The following PRIM2 variants were observed in gnomAD, a reference collection of about 807,000 sequenced individuals.
PRIM2 encodes DNA primase subunit 2.
PRIM2 carries 39 observed loss-of-function variants against 67.3 expected under a neutral mutation model. The observed-to-expected ratio is 0.58, with a 90% CI of 0.45 to 0.76. The LOEUF is 0.76. PRIM2 is among the 30% of genes least tolerant of loss of function. The probability of loss-of-function intolerance (pLI) is 0.00; values close to 1 mark genes in which losing one functional copy is unlikely to be tolerated. For synonymous variants in PRIM2, 143 were observed against 198.7 expected, an observed-to-expected ratio of 0.72 and a Z score of 2.36; for missense variants, 398 against 598.7, an observed-to-expected ratio of 0.66 and a Z score of 3.50.
the PRIM2 span, among the ~76,000 whole-genome samples, chr6:57,253,208 A>G: frequency 6.6e-6 from 1 of 151,934 alleles, no homozygotes; most frequent in African/African-American, 2.4e-5. Flanking sequence ...AAAAAAATAA[A>G]CAGTAGTTAG....
rs1267075203 is a variant in PRIM2 at position 57,488,054 on chromosome 6, G to A, written c.694-19333G>A. Among the ~76,000 whole-genome samples, 97 of 152,256 alleles carry A rather than the reference G, an allele frequency of 6.4e-4. 1 individual carries two copies. The highest frequency in any genetic ancestry group is 2.2e-3 in the African/African-American group (90 of 41,540). On this transcript the variant is annotated intron_variant, in intron 7 of 13. Coordinates refer to ENST00000615550, the MANE Select transcript of PRIM2 (RefSeq NM_000947.5). ...TTGAGGCACTAAGGAATGAATTAAA[G>A]GTCATATAGCTAGTAAGGGCTAGCA...
At chr6:57,304,065 C>T in the PRIM2 span, among the ~76,000 whole-genome samples, 9 of 152,256 alleles carry the variant, frequency 5.9e-5, no homozygotes, top group South Asian at 1.7e-3. Flanking sequence ...CTTACCAGTA[C>T]ATTTTAAGGC....
chr6:57,469,052 G>T (rs1269567850), intron 7 of PRIM2, among the ~76,000 whole-genome samples: 3 of 152,222 alleles, frequency 2.0e-5, no homozygotes, highest in African/African-American at 7.2e-5. Context: ...AGCTTCTCAT[G>T]TTAGGATGTA....
At chr6:57,623,473 C>T (rs1268931118) in intron 12 of PRIM2, among the ~76,000 whole-genome samples, 1 of 151,900 alleles carries the variant, frequency 6.6e-6, no homozygotes, top group Non-Finnish European at 1.5e-5. Flanking sequence ...AAATTTAATA[C>T]TCTGTTTATA....
chr6:57,342,802 G>T (rs931465951), intron 5 of PRIM2, among the ~76,000 whole-genome samples: 10 of 152,136 alleles, frequency 6.6e-5, no homozygotes, highest in African/African-American at 2.4e-4. Flanking sequence ...AGTGAAGTTG[G>T]TAACCTCGTT....
At chr6:57,327,527 A>G (rs1257850533) in intron 5 of PRIM2, among the ~76,000 whole-genome samples, 1 of 152,194 alleles carries the variant, frequency 6.6e-6, no homozygotes, top group Non-Finnish European at 1.5e-5. Context: ...GGCAGTTTCT[A>G]TAGTTTCTTT....
At chr6:57,294,339 G>T in the PRIM2 span, among the ~76,000 whole-genome samples, 1 of 151,776 alleles carries the variant, frequency 6.6e-6, no homozygotes, top group African/African-American at 2.4e-5. Flanking sequence ...AAATTAGCCG[G>T]GTGTGATGGT....
chr6:57,443,156 G>A (rs1772255857), intron 7 of PRIM2, among the ~76,000 whole-genome samples: 1 of 152,130 alleles, frequency 6.6e-6, no homozygotes, highest in African/African-American at 2.4e-5. Flanking sequence ...CCTGTTGATA[G>A]ATACTTAGGT....
At chr6:57,331,179 C>T (rs1295426811) in intron 5 of PRIM2, among the ~76,000 whole-genome samples, 2 of 144,224 alleles carry the variant, frequency 1.4e-5, no homozygotes, top group Non-Finnish European at 1.5e-5. Flanking sequence ...AAGAGTGAGA[C>T]TTTGTCTCAG....
upstream of PRIM2, among the ~76,000 whole-genome samples, chr6:57,311,894 G>T (rs535562978): frequency 1.3e-5 from 2 of 152,050 alleles, no homozygotes; most frequent in South Asian, 2.1e-4. Flanking sequence ...AGGAGTGGCG[G>T]CGCGTGCCTG....
At chr6:57,318,360 T>C (rs1307996963) in intron 1 of PRIM2, 77 bp from the exon 2 acceptor site, 30 of 1,378,456 alleles carry the variant, frequency 2.2e-5, no homozygotes, top group Non-Finnish European at 2.8e-5. Context: ...TGTGGAATTA[T>C]TTTTTCGTGT....
chr6:57,436,400 TGA>T (rs1173517541), intron 7 of PRIM2, among the ~76,000 whole-genome samples: 2 of 152,208 alleles, frequency 1.3e-5, no homozygotes, highest in South Asian at 4.1e-4. Flanking sequence ...CCATCAATCA[TGA>T]GAGAGAGAAA....
intron 7 of PRIM2, among the ~76,000 whole-genome samples, chr6:57,448,584 A>T (rs1772435497): frequency 6.6e-6 from 1 of 152,020 alleles, no homozygotes; most frequent in Admixed American, 6.6e-5. Context: ...AAATTGATAC[A>T]TGGAGGTTAT....
At chr6:57,540,383 G>T (rs1775121773) in intron 10 of PRIM2, among the ~76,000 whole-genome samples, 2 of 152,126 alleles carry the variant, frequency 1.3e-5, no homozygotes, top group Non-Finnish European at 2.9e-5. Flanking sequence ...AGCCAATGTT[G>T]TAGTTCTAGT....
At chr6:57,373,895 G>A (rs984394116) in intron 5 of PRIM2, among the ~76,000 whole-genome samples, 2 of 152,016 alleles carry the variant, frequency 1.3e-5, no homozygotes, top group African/African-American at 4.8e-5. Context: ...CACCAGCTTT[G>A]TTCTTTTTGC....
chr6:57,252,855 G>A, the PRIM2 span, among the ~76,000 whole-genome samples: 1 of 152,176 alleles, frequency 6.6e-6, no homozygotes, highest in Non-Finnish European at 1.5e-5. Flanking sequence ...TCTCATTATG[G>A]ATGCCTCATC....
chr6:57,492,464 A>AC (rs2127410612), intron 7 of PRIM2, among the ~76,000 whole-genome samples: 1 of 151,692 alleles, frequency 6.6e-6, no homozygotes, highest in South Asian at 2.1e-4. Flanking sequence ...AATTGCTTGA[A>AC]CCCAGGAGGC....
chr6:57,631,426 A>G (rs1777037514), intron 12 of PRIM2, among the ~76,000 whole-genome samples: 1 of 152,066 alleles, frequency 6.6e-6, no homozygotes, highest in Non-Finnish European at 1.5e-5. Flanking sequence ...GCTGATAAGG[A>G]TGGGAGTTTG....
intron 8 of PRIM2, among the ~76,000 whole-genome samples, chr6:57,511,346 CATT>C (rs1399756265): frequency 6.6e-6 from 1 of 152,194 alleles, no homozygotes; most frequent in African/African-American, 2.4e-5. Flanking sequence ...TCCATTCACT[CATT>C]AATTACTTAG....
Sources: gnomAD v4.1 joint callset for allele counts (sites outside exome capture counted in the v4.1 genomes callset) on GRCh38, gnomAD v4.1.1 for gene constraint, MANE v1.5 for transcripts, NCBI Gene and HGNC (gene_info 2026-07-23, HGNC 2026-07-21) for gene names.